Variants in MCCC1 observed in about 807,000 individuals in gnomAD.
MCCC1 encodes the protein methylcrotonyl-CoA carboxylase subunit 1, also known as methylcrotonoyl-CoA carboxylase subunit alpha, mitochondrial.
MCCC1 carries 64 observed loss-of-function variants against 83.8 expected under a neutral mutation model. That is an observed-to-expected ratio of 0.76 (90% CI 0.62 to 0.94). MCCC1 has a LOEUF of 0.94. MCCC1 is among the 40% of genes least tolerant of loss of function. The pLI, the probability that MCCC1 is intolerant of heterozygous loss-of-function variation, is 0.00. For synonymous variants in MCCC1, 322 were observed against 315.4 expected (o/e 1.02, Z -0.22); for missense variants, 807 against 904.7 (o/e 0.89, Z 1.39).
At chr3:183,050,420 C>T (rs988215005) in intron 9 of MCCC1, among the ~76,000 whole-genome samples, 8 of 150,210 alleles carry the variant, frequency 5.3e-5, no homozygotes, top group East Asian at 2.0e-4. Flanking sequence ...AAAGGAAAGT[C>T]GGCCGGGCGC....
intron 7 of MCCC1, among the ~76,000 whole-genome samples, chr3:183,061,951 T>C (rs1715865810): frequency 6.6e-6 from 1 of 152,160 alleles, no homozygotes; most frequent in Non-Finnish European, 1.5e-5. Flanking sequence ...AACTGAATCA[T>C]GGGGGCAGGT....
Position 183,015,391 on chromosome 3 carries a change from G to C in MCCC1, c.*47C>G. On this transcript the variant is annotated 3_prime_UTR_variant, in exon 19 of 19. Coordinates refer to ENST00000265594, the MANE Select transcript of MCCC1 (RefSeq NM_020166.5). Reference sequence around the variant, plus strand: ...AAAGCTGGAGGCACTTCCTCTTTTTGGTGGAGAGAGAAGACACTACTTAAC... The same window carrying C: ...AAAGCTGGAGGCACTTCCTCTTTTTCGTGGAGAGAGAAGACACTACTTAAC... 1 of 1,609,910 alleles carries C rather than the reference G, an allele frequency of 6.2e-7. No individual in the cohort carries two copies. Among genetic ancestry groups the C allele is most frequent in the South Asian group, 1.1e-5 (1 of 90,918 alleles).
chr3:183,016,520 T>G (rs1486290926), intron 18 of MCCC1, among the ~76,000 whole-genome samples: 1 of 152,216 alleles, frequency 6.6e-6, no homozygotes, highest in Non-Finnish European at 1.5e-5. Context: ...CATGAGCCAC[T>G]GCGCCCAGCC....
intron 16 of MCCC1, among the ~76,000 whole-genome samples, chr3:183,020,919 G>A (rs1712111358): frequency 6.6e-6 from 1 of 152,024 alleles, no homozygotes; most frequent in Non-Finnish European, 1.5e-5. Context: ...AATTAGCTGG[G>A]CATGGTGGCG....
chr3:183,097,355 T>C (rs1178149047), intron 1 of MCCC1, among the ~76,000 whole-genome samples: 4 of 152,242 alleles, frequency 2.6e-5, no homozygotes, highest in Non-Finnish European at 4.4e-5. Flanking sequence ...CTACTAAAGA[T>C]TCATAACATA....
chr3:183,023,147 T>C (rs551545800), intron 15 of MCCC1, among the ~76,000 whole-genome samples: 4 of 152,218 alleles, frequency 2.6e-5, no homozygotes, highest in African/African-American at 9.6e-5. Context: ...TTCACAATGT[T>C]TCAAGGAAGC....
At chr3:183,104,022 G>A (rs1289265451), upstream of MCCC1, among the ~76,000 whole-genome samples, 1 of 152,140 alleles carries the variant, frequency 6.6e-6, no homozygotes, top group Non-Finnish European at 1.5e-5. Flanking sequence ...GGCCGGCAGG[G>A]CCGGCCGGCT....
At chr3:183,041,779 A>G in intron 10 of MCCC1, 29 bp from the exon 11 acceptor site, 2 of 1,612,664 alleles carry the variant, frequency 1.2e-6, no homozygotes, top group South Asian at 2.2e-5. Context: ...TTCTTATGAA[A>G]TCTACCGTAT....
At chr3:183,099,007 C>G in intron 1 of MCCC1, 1 of 446,048 alleles carries the variant, frequency 2.2e-6, no homozygotes, top group Non-Finnish European at 4.1e-6. Context: ...TAACAACGCT[C>G]CCACCTAAGG....
intron 1 of MCCC1, among the ~76,000 whole-genome samples, chr3:183,109,627 G>A (rs1170593052): frequency 3.9e-5 from 6 of 152,162 alleles, no homozygotes; most frequent in Non-Finnish European, 8.8e-5. Context: ...TAGTAAATAT[G>A]TACCACATTT....
At position 183,023,942 on chromosome 3, in the gene MCCC1, T is replaced by C. The variant is rs146367480; in HGVS notation, c.1732-1388A>G. 3.7e-3 allele frequency among the ~76,000 whole-genome samples: 570 copies of C among 152,280 alleles called. 4 individuals carry two copies. Among genetic ancestry groups the C allele is most frequent in the African/African-American group, 0.013 (540 of 41,562 alleles). ...GGGTCCCTAATACCCTTTTAGGGCA[T>C]CCACAAAGTCATAATAAGACTAAGA... On this transcript the variant is annotated intron_variant, in intron 15 of 18. Coordinates refer to ENST00000265594, the MANE Select transcript of MCCC1 (RefSeq NM_020166.5).
At chr3:183,046,002 C>T (rs1714530793) in intron 9 of MCCC1, among the ~76,000 whole-genome samples, 5 of 152,160 alleles carry the variant, frequency 3.3e-5, no homozygotes, top group Admixed American at 2.6e-4. Context: ...GGCAACTAAA[C>T]CTTATGTTAA....
intron 9 of MCCC1, 115 bp downstream of exon 9, chr3:183,052,044 A>C (rs1715019335): frequency 2.2e-6 from 2 of 891,128 alleles, no homozygotes; most frequent in Non-Finnish European, 3.7e-6. Flanking sequence ...TCTTACTGTG[A>C]ATATGGTCAA....
At chr3:183,032,251 T>C (rs1294670693) in intron 14 of MCCC1, among the ~76,000 whole-genome samples, 1 of 152,204 alleles carries the variant, frequency 6.6e-6, no homozygotes, top group East Asian at 1.9e-4. Flanking sequence ...AATAACACAG[T>C]TGGCCTATAT....
At chr3:183,024,771 C>G (rs1712446838) in intron 15 of MCCC1, among the ~76,000 whole-genome samples, 1 of 152,112 alleles carries the variant, frequency 6.6e-6, no homozygotes, top group African/African-American at 2.4e-5. Context: ...ACTATATGAT[C>G]TAGCAATTCC....
rs746910675 is a variant in MCCC1 at position 183,060,723 on chromosome 3, G to A, written c.762-3301C>T. ...ATATCTCCTAATGCTGTCCTTCCCC[G>A]CTCCCCCAACCCCACGACAGGCCCC... is the stretch of plus-strand genomic sequence containing the variant. On this transcript the variant is annotated intron_variant, in intron 7 of 18. Coordinates refer to ENST00000265594, the MANE Select transcript of MCCC1 (RefSeq NM_020166.5). Among the ~76,000 whole-genome samples, 11 of 151,968 alleles carry A rather than the reference G, an allele frequency of 7.2e-5. No individual in the cohort carries two copies. The East Asian group carries it at 1.5e-3, about 21-fold the overall frequency.
At chr3:183,053,666 G>A (rs1715169641) in intron 8 of MCCC1, among the ~76,000 whole-genome samples, 1 of 150,668 alleles carries the variant, frequency 6.6e-6, no homozygotes, top group Non-Finnish European at 1.5e-5. Context: ...TTAGCCGGGT[G>A]TGGTGGCAGG....
chr3:183,076,701 G>A (rs1717101745), intron 4 of MCCC1, among the ~76,000 whole-genome samples: 1 of 152,146 alleles, frequency 6.6e-6, no homozygotes, highest in Admixed American at 6.5e-5. Context: ...TCTAGTGGGT[G>A]CATAGTGTTA....
chr3:183,106,513 T>TCTTTCTTTC (rs59542947), intron 1 of MCCC1, among the ~76,000 whole-genome samples: 11 of 149,428 alleles, frequency 7.4e-5, no homozygotes, highest in African/African-American at 2.7e-4. Context: ...TTTCTTTCTT[T>TCTTTCTTTC]TTTGAAACAG....
Sources: gnomAD v4.1 joint callset for allele counts (sites outside exome capture counted in the v4.1 genomes callset) on GRCh38, gnomAD v4.1.1 for gene constraint, MANE v1.5 for transcripts, NCBI Gene and HGNC (gene_info 2026-07-23, HGNC 2026-07-21) for gene names.